The following PSG7 variants were observed in gnomAD, a reference collection of about 807,000 sequenced individuals.
PSG7 encodes the protein pregnancy specific beta-1-glycoprotein 7.
Under a neutral mutation model 45.6 loss-of-function variants are expected in PSG7, and 57 were observed. The ratio of observed to expected loss-of-function variants is 1.25; its 90% confidence interval spans 1.01 to 1.56. PSG7 has a LOEUF of 1.56. Among genes scored for constraint, PSG7 ranks in the 40% most tolerant of loss-of-function variants. PSG7 has a pLI of 0.00. For synonymous variants in PSG7, 298 were observed against 194.4 expected (o/e 1.53, Z -4.43); for missense variants, 796 against 508.4 (o/e 1.57, Z -5.44).
intron 5 of PSG7, chr19:42,925,520 T>A: frequency 1.0e-6 from 1 of 980,318 alleles, no homozygotes. Flanking sequence ...TTATCCTCAT[T>A]ATTATCAATT....
In PSG7 at chr19:42,928,239, T is replaced by A. The variant is rs1360710373; in HGVS notation, c.709+1203A>T. Reference sequence around the variant, plus strand: ...TCCACCTTTTCATGGTTGCATCTTTTTCTCAGTGTTTTTGTTGTGGCAGTC... The same window carrying A: ...TCCACCTTTTCATGGTTGCATCTTTATCTCAGTGTTTTTGTTGTGGCAGTC... On this transcript the variant is annotated intron_variant, in intron 3 of 5. Coordinates refer to ENST00000406070, the MANE Select transcript of PSG7 (RefSeq NM_002783.3). 2.0e-5 allele frequency among the ~76,000 whole-genome samples: 3 copies of A among 151,770 alleles called. No individual in the cohort carries two copies. The South Asian group carries it at 6.3e-4, about 32-fold the overall frequency.
At chr19:42,934,441 C>A (rs1440206897) in intron 2 of PSG7, among the ~76,000 whole-genome samples, 2 of 151,494 alleles carry the variant, frequency 1.3e-5, no homozygotes, top group Non-Finnish European at 2.9e-5. Flanking sequence ...CTGATCTCCC[C>A]TTTGTGTTTG....
chr19:42,934,586 A>G (rs1452406407), intron 2 of PSG7, among the ~76,000 whole-genome samples: 1 of 151,680 alleles, frequency 6.6e-6, no homozygotes, highest in East Asian at 1.9e-4. Context: ...CACCTGACCT[A>G]ATGCGTAGCA....
rs1055825841 is a variant in PSG7, at chr19:42,932,501, T to G, written c.431-2781A>C. Among the ~76,000 whole-genome samples, 38 of 151,208 alleles carry G rather than the reference T, an allele frequency of 2.5e-4. 1 individual carries two copies. The highest frequency in any genetic ancestry group is 8.3e-4 in the African/African-American group (34 of 41,138). On this transcript the variant is annotated intron_variant, in intron 2 of 5. Coordinates refer to ENST00000406070, the MANE Select transcript of PSG7 (RefSeq NM_002783.3). ...AGAATGGAGTCACGAGTGAAATGGG[T>G]GAAATGAGCCCATGGGCTTTGGGAA...
intron 5 of PSG7, chr19:42,925,247 T>A: frequency 3.3e-6 from 1 of 302,042 alleles, no homozygotes. Context: ...ATTTGAAATG[T>A]GTCCTGTTAC....
chr19:42,924,493 A>AG lies in PSG7; in HGVS notation c.*314dup, dbSNP rs1483022519. 1 of 560,090 alleles carries AG rather than the reference A, an allele frequency of 1.8e-6. No homozygotes were observed. Among genetic ancestry groups the AG allele is most frequent in the Non-Finnish European group, 3.1e-6 (1 of 318,552 alleles). 34.7% of individuals were successfully genotyped at this position (560,090 alleles called of 1,614,324 possible). A position where few individuals can be genotyped will look rare whatever the true frequency, so the allele number is the denominator to read the frequency against. On this transcript the variant is annotated 3_prime_UTR_variant, in exon 6 of 6. Transcript: ENST00000406070. ...ACTGCATTATCCTGCCAAGTGAAAG[A>AG]GGCAGGCACAAGCAAGGACAGCTAA...
chr19:42,929,679 G>A lies in PSG7; in HGVS notation c.472C>T (p.Pro158Ser). Residue 158 changes from proline (P) to serine (S), a missense_variant, in exon 3 of 6, where the codon CCC becomes TCC. By Grantham distance (74) the Pro-to-Ser change is moderately conservative (BLOSUM62 -1). Transcript: ENST00000406070. Reference sequence around the variant, plus strand: ...ATCACAGCCTCCGTGGCCTCCCTGGGGTTGAAATTGCTGCTGGAGATGGAG... The same window carrying A: ...ATCACAGCCTCCGTGGCCTCCCTGGAGTTGAAATTGCTGCTGGAGATGGAG... Reference protein sequence around the residue: ...KPSISSSNFNPREATEAVILT... With the variant: ...KPSISSSNFNSREATEAVILT... 6.2e-7 allele frequency: 1 copy of A among 1,612,348 alleles called. No homozygotes were observed. Among genetic ancestry groups the A allele is most frequent in the Non-Finnish European group, 8.5e-7 (1 of 1,179,156 alleles).
At chr19:42,932,875 A>C (rs376780943) in intron 2 of PSG7, among the ~76,000 whole-genome samples, 2 of 151,366 alleles carry the variant, frequency 1.3e-5, no homozygotes, top group Non-Finnish European at 2.9e-5. Context: ...GTCATTTGGC[A>C]AGAGTTTACA....
At chr19:42,933,189 G>T (rs1224315765) in intron 2 of PSG7, among the ~76,000 whole-genome samples, 4 of 137,690 alleles carry the variant, frequency 2.9e-5, no homozygotes, top group Admixed American at 7.7e-5. Flanking sequence ...GCTGATTTGA[G>T]TAATAATAAA....
Position 42,924,416 on chromosome 19 carries a change from A to C in PSG7, c.*392T>G. 1 of 464,738 alleles carries C rather than the reference A, an allele frequency of 2.2e-6. No homozygotes were observed. The highest frequency in any genetic ancestry group is 3.7e-6 in the Non-Finnish European group (1 of 267,118). The allele number at this position is 464,738 out of a possible 1,614,324, so 28.8% of individuals were successfully genotyped here. A position where few individuals can be genotyped will look rare whatever the true frequency, so the allele number is the denominator to read the frequency against. On this transcript the variant is annotated 3_prime_UTR_variant, in exon 6 of 6. Coordinates refer to ENST00000406070, the MANE Select transcript of PSG7 (RefSeq NM_002783.3). Reference sequence around the variant, plus strand: ...GTCTGAGGTTGAGATGACATATCTGACACTCTGTTGTTACCCTCAGAAGCT... The same window carrying C: ...GTCTGAGGTTGAGATGACATATCTGCCACTCTGTTGTTACCCTCAGAAGCT...
In PSG7 at chr19:42,925,235, T is replaced by C. The variant is rs139325945; in HGVS notation, c.1244-411A>G. The C allele has an allele frequency of 9.0e-3, 2,735 of 302,946 alleles. 132 individuals are homozygous for C. The highest frequency in any genetic ancestry group is 0.056 in the African/African-American group (2,539 of 45,552). 18.8% of individuals were successfully genotyped at this position (302,946 alleles called of 1,614,324 possible). ...GTCAAAGCCTTGGTAATATAACCAA[T>C]GATTTGAAATGTGTCCTGTTACAAA... On this transcript the variant is annotated intron_variant, in intron 5 of 5. Coordinates refer to ENST00000406070, the MANE Select transcript of PSG7 (RefSeq NM_002783.3).
rs763480574 is a variant in PSG7 at position 42,925,781 on chromosome 19, C to T, written c.1235G>A (p.Arg412Lys). The T allele has an allele frequency of 5.6e-6, 9 of 1,611,894 alleles. No individual in the cohort carries two copies. Among genetic ancestry groups the T allele is most frequent in the African/African-American group, 2.7e-5 (2 of 74,654 alleles). Reference sequence around the variant, plus strand: ...TGCTGGGATCCACTTACCAGAGACTCTGACTGTCACGGATTTGGAGCTTTC... The same window carrying T: ...TGCTGGGATCCACTTACCAGAGACTTTGACTGTCACGGATTTGGAGCTTTC... ...GKESSKSVTV[R>K]VSDWTLP The change falls in exon 5 of 6, where the codon AGA becomes AAA. Residue 412 changes from arginine to lysine, a missense_variant. By Grantham distance (26) the Arg-to-Lys change is conservative. Coordinates refer to ENST00000406070, the MANE Select transcript of PSG7 (RefSeq NM_002783.3).
intron 1 of PSG7, 78 bp downstream of exon 1, chr19:42,936,935 A>AC: frequency 6.3e-7 from 1 of 1,579,306 alleles, no homozygotes. Context: ...ATTTTTTAGA[A>AC]CCCCATCCTC....
intron 2 of PSG7, among the ~76,000 whole-genome samples, chr19:42,934,216 T>G (rs1278650293): frequency 1.3e-5 from 2 of 151,376 alleles, no homozygotes; most frequent in Middle Eastern, 6.4e-3. Context: ...CCTGGACATT[T>G]TTTTTGCACT....
intron 2 of PSG7, among the ~76,000 whole-genome samples, chr19:42,934,993 AGGATTTAG>A (rs1203191998): frequency 2.0e-5 from 3 of 151,610 alleles, no homozygotes; most frequent in African/African-American, 7.3e-5. Context: ...ATCTGGAGCA[AGGATTTAG>A]GGACAGGGGT....
chr19:42,935,075 C>T (rs1239488390), intron 2 of PSG7, among the ~76,000 whole-genome samples: 1 of 151,636 alleles, frequency 6.6e-6, no homozygotes, highest in Non-Finnish European at 1.5e-5. Flanking sequence ...CAGGCCAAGC[C>T]CTACTCAGTT....
chr19:42,932,046 C>T (rs1460422565), intron 2 of PSG7, among the ~76,000 whole-genome samples: 2 of 150,898 alleles, frequency 1.3e-5, no homozygotes, highest in African/African-American at 4.9e-5. Context: ...TTTTCTGAGA[C>T]AGAGTCTCTC....
At chr19:42,927,344 A>G (rs1258396845) in intron 3 of PSG7, 1 of 157,786 alleles carries the variant, frequency 6.3e-6, no homozygotes, top group East Asian at 1.9e-4. Context: ...GACTTACTTG[A>G]ACCAGTGACC....
chr19:42,927,039 A>AC (rs1972911043), intron 3 of PSG7: 2 of 411,524 alleles, frequency 4.9e-6, no homozygotes, highest in Admixed American at 7.8e-5. Flanking sequence ...TGGCTGGCTC[A>AC]CCCTGGGTTC....
Sources: allele counts gnomAD v4.1 joint callset (sites outside exome capture counted in the v4.1 genomes callset), GRCh38; gene constraint gnomAD v4.1.1; transcripts MANE v1.5; gene names NCBI Gene and HGNC (gene_info 2026-07-23, HGNC 2026-07-21).